Variants in ZHX2 observed in about 807,000 individuals in gnomAD.
ZHX2 encodes the protein zinc fingers and homeoboxes 2.
A neutral mutation model predicts 21.9 loss-of-function variants in ZHX2; 6 were observed. The ratio of observed to expected loss-of-function variants is 0.27; its 90% CI spans 0.15 to 0.54. The LOEUF is 0.54. Ranked by LOEUF, ZHX2 falls within the 20% of genes least tolerant of loss-of-function variation. The pLI, the probability that ZHX2 is intolerant of heterozygous loss-of-function variation, is 0.95. For missense variants in ZHX2, 908 were observed against 1,090.7 expected, an observed-to-expected ratio of 0.83 and a Z score of 2.36; for synonymous variants, 434 against 437.1, an observed-to-expected ratio of 0.99 and a Z score of 0.09.
intron 1 of ZHX2, among the ~76,000 whole-genome samples, chr8:122,835,450 G>A (rs1818472537): frequency 6.6e-6 from 1 of 152,170 alleles, no homozygotes; most frequent in African/African-American, 2.4e-5. Context: ...AGGAGAGGGC[G>A]GTGGGGGAGG....
chr8:122,953,920 A>T lies in ZHX2; in HGVS notation c.2410A>T (p.Ile804Phe), dbSNP rs575236773. The T allele has an allele frequency of 1.2e-6, 2 of 1,614,164 alleles. No homozygotes were observed. Among genetic ancestry groups the T allele is most frequent in the South Asian group, 2.2e-5 (2 of 91,082 alleles). Residue 804 changes from isoleucine to phenylalanine, a missense_variant, in exon 3 of 4, where the codon ATC becomes TTC. Coordinates refer to ENST00000314393, the MANE Select transcript of ZHX2 (RefSeq NM_014943.5). This position sits in a 1 kb window ranked among gnomAD's most constrained non-coding sequence, Gnocchi z 4.6. The part of the protein sequence containing the change: ...VEVTVGEEDA[I>F]SDRSDSWSQA... ...GGTGACGGTCGGGGAGGAGGATGCG[A>T]TCTCAGATAGATCAGATAGCTGGAG...
At chr8:122,903,887 C>T (rs1441925413) in intron 2 of ZHX2, among the ~76,000 whole-genome samples, 1 of 152,014 alleles carries the variant, frequency 6.6e-6, no homozygotes, top group Admixed American at 6.6e-5. Flanking sequence ...GATGAACCAC[C>T]ACTTCCAAGA....
intron 2 of ZHX2, among the ~76,000 whole-genome samples, chr8:122,933,790 G>A (rs1472907440): frequency 6.6e-6 from 1 of 152,210 alleles, no homozygotes; most frequent in Non-Finnish European, 1.5e-5. Flanking sequence ...GGCTCAGGGT[G>A]TAGAGTCATG....
At chr8:122,843,558 C>T (rs575860221) in intron 1 of ZHX2, among the ~76,000 whole-genome samples, 16 of 152,350 alleles carry the variant, frequency 1.1e-4, no homozygotes, top group East Asian at 5.8e-4. Context: ...AGGGACCCCT[C>T]GTGTAAACAG....
chr8:122,825,898 C>T (rs1467835125), intron 1 of ZHX2, among the ~76,000 whole-genome samples: 1 of 152,212 alleles, frequency 6.6e-6, no homozygotes, highest in African/African-American at 2.4e-5. Context: ...CTCCCCCTCT[C>T]TTTATTTCCT....
chr8:122,947,783 C>T (rs775997370), intron 2 of ZHX2, among the ~76,000 whole-genome samples: 1 of 151,058 alleles, frequency 6.6e-6, no homozygotes, highest in East Asian at 2.0e-4. Flanking sequence ...GGAGTGAGGT[C>T]CTGACAGAGC....
At chr8:122,913,851 T>C (rs1820537105) in intron 2 of ZHX2, among the ~76,000 whole-genome samples, 1 of 152,174 alleles carries the variant, frequency 6.6e-6, no homozygotes, top group South Asian at 2.1e-4. Flanking sequence ...CCATCAATTG[T>C]TGATAGAGAG....
chr8:122,926,453 C>T (rs1211233032), intron 2 of ZHX2, among the ~76,000 whole-genome samples: 1 of 152,162 alleles, frequency 6.6e-6, no homozygotes, highest in African/African-American at 2.4e-5. Context: ...TGTAACTGAG[C>T]CTTTAAAAGG....
intron 2 of ZHX2, among the ~76,000 whole-genome samples, chr8:122,872,086 T>C (rs1350994618): frequency 1.3e-5 from 2 of 152,196 alleles, no homozygotes; most frequent in African/African-American, 2.4e-5. Context: ...GGTATCACCA[T>C]GACCAATGGG....
intron 2 of ZHX2, among the ~76,000 whole-genome samples, chr8:122,940,945 G>A (rs1812826761): frequency 6.6e-6 from 1 of 151,934 alleles, no homozygotes; most frequent in African/African-American, 2.4e-5. Flanking sequence ...GATTGTGCAT[G>A]TAAACCAGGT....
chr8:122,964,724 CT>C (rs57190005), intron 3 of ZHX2, among the ~76,000 whole-genome samples: 131,972 of 151,996 alleles, frequency 0.87, 57,799 homozygotes, highest in East Asian at 1. Context: ...GGTATCAATT[CT>C]TTTTTTTGAA....
chr8:122,874,630 G>A (rs1240870469), intron 2 of ZHX2, among the ~76,000 whole-genome samples: 1 of 152,082 alleles, frequency 6.6e-6, no homozygotes, highest in African/African-American at 2.4e-5. Context: ...ACCATGCCCG[G>A]CCATTGAATC....
At chr8:122,856,072 G>A (rs988999296) in intron 1 of ZHX2, among the ~76,000 whole-genome samples, 7 of 152,170 alleles carry the variant, frequency 4.6e-5, no homozygotes, top group Admixed American at 6.5e-5. Flanking sequence ...ATCACAGCAC[G>A]TCACTTTTAT....
At chr8:122,959,118 T>C (rs1387998446) in intron 3 of ZHX2, among the ~76,000 whole-genome samples, 2 of 152,210 alleles carry the variant, frequency 1.3e-5, no homozygotes, top group Non-Finnish European at 2.9e-5. Context: ...CAGAGTTCAC[T>C]CAGCCAGTGT....
chr8:122,914,649 C>A (rs1260656599), intron 2 of ZHX2, among the ~76,000 whole-genome samples: 2 of 152,222 alleles, frequency 1.3e-5, no homozygotes, highest in Admixed American at 1.3e-4. Context: ...AACCAATTTT[C>A]TTTCTTTATT....
intron 3 of ZHX2, among the ~76,000 whole-genome samples, chr8:122,955,839 A>ATTTTTTTTT (rs540333833): frequency 9.5e-6 from 1 of 104,926 alleles, no homozygotes. Context: ...TGAGGGAGTG[A>ATTTTTTTTT]TTTTTTTTTT....
intron 2 of ZHX2, among the ~76,000 whole-genome samples, chr8:122,870,122 C>G (rs2129684929): frequency 6.6e-6 from 1 of 152,154 alleles, no homozygotes; most frequent in East Asian, 1.9e-4. Context: ...GTGGACAAAG[C>G]TTGGACATTT....
intron 2 of ZHX2, among the ~76,000 whole-genome samples, chr8:122,884,371 A>G (rs1392032959): frequency 2.6e-5 from 4 of 152,196 alleles, no homozygotes; most frequent in African/African-American, 9.7e-5. Flanking sequence ...TGGTATATTC[A>G]ACTTGTTTTC....
intron 1 of ZHX2, among the ~76,000 whole-genome samples, chr8:122,824,698 T>G (rs549598292): frequency 8.3e-4 from 127 of 152,324 alleles, no homozygotes; most frequent in African/African-American, 2.8e-3. Context: ...CCTCCTGTAT[T>G]AGTTTTCTAT....
Sources: gnomAD v4.1 joint callset for allele counts (sites outside exome capture counted in the v4.1 genomes callset) on GRCh38, gnomAD v4.1.1 for gene constraint, Gnocchi (gnomAD v3.1) non-coding constraint, MANE v1.5 for transcripts, NCBI Gene and HGNC (gene_info 2026-07-23, HGNC 2026-07-21) for gene names.